The following FSTL4 variants were observed in gnomAD, a reference collection of about 807,000 sequenced individuals.
FSTL4 encodes the protein follistatin-related protein 4.
In FSTL4, 28 loss-of-function variants were observed where a neutral mutation model predicts 78.2. The ratio of observed to expected loss-of-function variants is 0.36; its 90% CI spans 0.27 to 0.49. The LOEUF (loss-of-function observed/expected upper bound fraction) is 0.49, where lower values mean the gene tolerates loss of function less well. Among genes scored for constraint, FSTL4 ranks in the 20% least tolerant of loss-of-function variants. The pLI, the probability that FSTL4 is intolerant of heterozygous loss-of-function variation, is 0.98. For synonymous variants in FSTL4, 422 were observed against 440.5 expected (o/e 0.96, Z 0.53); for missense variants, 922 against 1,084.9 (o/e 0.85, Z 2.11).
the FSTL4 span, among the ~76,000 whole-genome samples, chr5:133,795,392 T>C: frequency 6.6e-6 from 1 of 152,186 alleles, no homozygotes; most frequent in Admixed American, 6.5e-5. Flanking sequence ...ATTTCAAGCT[T>C]GTAAGTCCAC....
At chr5:133,566,686 G>C (rs1020055410) in intron 3 of FSTL4, among the ~76,000 whole-genome samples, 1 of 152,114 alleles carries the variant, frequency 6.6e-6, no homozygotes, top group African/African-American at 2.4e-5. Flanking sequence ...CTCTGGCAGG[G>C]GAAACAGAAC....
intron 8 of FSTL4, among the ~76,000 whole-genome samples, chr5:133,226,193 T>C (rs776699294): frequency 7.2e-5 from 11 of 152,182 alleles, no homozygotes; most frequent in Non-Finnish European, 1.3e-4. Flanking sequence ...CAGAAAGCCA[T>C]TGGATAGGGG....
chr5:133,553,718 C>G (rs1759733002), intron 3 of FSTL4, among the ~76,000 whole-genome samples: 1 of 152,194 alleles, frequency 6.6e-6, no homozygotes, highest in African/African-American at 2.4e-5. Flanking sequence ...AATCTCCGAT[C>G]CCCTAAGGCA....
the FSTL4 span, among the ~76,000 whole-genome samples, chr5:133,749,944 C>A: frequency 1.3e-5 from 2 of 152,180 alleles, no homozygotes; most frequent in African/African-American, 4.8e-5. Context: ...TTTTAATCCA[C>A]TTCCTTCTTA....
chr5:133,773,129 A>G, the FSTL4 span, among the ~76,000 whole-genome samples: 897 of 152,258 alleles, frequency 5.9e-3, 8 homozygotes, highest in African/African-American at 0.021. Context: ...AAACTTTAAC[A>G]ATATTGATCT....
chr5:133,525,978 G>A (rs1759089424), intron 3 of FSTL4, among the ~76,000 whole-genome samples: 1 of 152,166 alleles, frequency 6.6e-6, no homozygotes, highest in Non-Finnish European at 1.5e-5. Context: ...CTGGGTGCTA[G>A]GGTCATGGGG....
intron 2 of FSTL4, among the ~76,000 whole-genome samples, chr5:133,603,004 G>A (rs373280113): frequency 9.9e-5 from 15 of 152,212 alleles, no homozygotes; most frequent in African/African-American, 3.4e-4. Flanking sequence ...AAAAGAGAAC[G>A]GCAGGCATCA....
intron 3 of FSTL4, among the ~76,000 whole-genome samples, chr5:133,470,155 C>T (rs1757791510): frequency 1.3e-5 from 2 of 152,158 alleles, no homozygotes; most frequent in Non-Finnish European, 2.9e-5. Context: ...TTCCAGTCAA[C>T]CCTTGTGCTG....
At chr5:133,712,736 G>A in the FSTL4 span, among the ~76,000 whole-genome samples, 1 of 152,242 alleles carries the variant, frequency 6.6e-6, no homozygotes, top group Non-Finnish European at 1.5e-5. Context: ...CTTCTAAGCA[G>A]ATGTCAGCAC....
chr5:133,290,916 GGGA>G (rs1273233811), intron 6 of FSTL4, among the ~76,000 whole-genome samples: 2 of 152,242 alleles, frequency 1.3e-5, no homozygotes, highest in Non-Finnish European at 2.9e-5. Context: ...CAGCCCGTCA[GGGA>G]GGAGATCGAG....
chr5:133,336,450 T>A (rs1215143762), intron 4 of FSTL4, among the ~76,000 whole-genome samples: 1 of 152,216 alleles, frequency 6.6e-6, no homozygotes, highest in East Asian at 1.9e-4. Context: ...GCTGTCTCTC[T>A]CCCATCCTGC....
rs1035527999 is a variant in FSTL4, at chr5:133,611,514, C to A, written c.-11+811G>T. 1.3e-5 allele frequency among the ~76,000 whole-genome samples: 2 copies of A among 152,180 alleles called. No homozygotes were observed. The highest frequency in any genetic ancestry group is 4.8e-5 in the African/African-American group (2 of 41,438). On this transcript the variant is annotated intron_variant, in intron 1 of 15. Transcript: ENST00000265342. The surrounding 1 kb of genome is among the most constrained non-coding windows in gnomAD (Gnocchi z 4.9). ...AAACTCAGAACTCGTCTTTGTTTTG[C>A]GGGCGCAAAGAGGGCGGAGATCATC...
chr5:133,300,300 C>T (rs1251183370), intron 6 of FSTL4, among the ~76,000 whole-genome samples: 1 of 152,222 alleles, frequency 6.6e-6, no homozygotes, highest in East Asian at 1.9e-4. Context: ...CTCAGCACCT[C>T]CAGGTGTCAG....
At chr5:133,406,144 C>G (rs1237110686) in intron 3 of FSTL4, among the ~76,000 whole-genome samples, 1 of 152,218 alleles carries the variant, frequency 6.6e-6, no homozygotes, top group Non-Finnish European at 1.5e-5. Flanking sequence ...TCAGGGAAGC[C>G]TCTTTGAGGA....
chr5:133,609,462 T>A (rs564501474), intron 1 of FSTL4, among the ~76,000 whole-genome samples: 17 of 152,320 alleles, frequency 1.1e-4, no homozygotes, highest in African/African-American at 4.1e-4. Context: ...CAGGAGGCTG[T>A]ACGGGAACCT....
At chr5:133,349,286 C>T (rs1754766673) in intron 4 of FSTL4, among the ~76,000 whole-genome samples, 1 of 143,172 alleles carries the variant, frequency 7.0e-6, no homozygotes, top group Non-Finnish European at 1.5e-5. Context: ...CTGTTGAAAG[C>T]CTCTCTCTCT....
chr5:133,561,637 C>T (rs1347789292), intron 3 of FSTL4, among the ~76,000 whole-genome samples: 1 of 152,160 alleles, frequency 6.6e-6, no homozygotes, highest in Admixed American at 6.5e-5. Flanking sequence ...TTCTTGAAGC[C>T]AGATCCACCC....
chr5:133,584,990 GA>G (rs1210336891), intron 2 of FSTL4, among the ~76,000 whole-genome samples: 1 of 3,874 alleles, frequency 2.6e-4, no homozygotes, highest in Non-Finnish European at 4.6e-4. Context: ...CATTCTTAAA[GA>G]AAAGAATTTT....
At chr5:133,485,567 A>G (rs1013400033) in intron 3 of FSTL4, among the ~76,000 whole-genome samples, 16 of 152,228 alleles carry the variant, frequency 1.1e-4, no homozygotes, top group Non-Finnish European at 2.1e-4. Flanking sequence ...ACTTTAAGAG[A>G]GGTAAATGAT....
Sources: allele counts gnomAD v4.1 joint callset (sites outside exome capture counted in the v4.1 genomes callset), GRCh38; gene constraint gnomAD v4.1.1; non-coding constraint Gnocchi (gnomAD v3.1); transcripts MANE v1.5; gene names NCBI Gene and HGNC (gene_info 2026-07-23, HGNC 2026-07-21).